The following VAT1L variants were observed in gnomAD, a reference collection of about 807,000 sequenced individuals.
VAT1L encodes the protein putative NADPH-dependent quinone oxidoreductase VAT1L.
Under a neutral mutation model 44.1 loss-of-function variants are expected in VAT1L, and 34 were observed. The observed-to-expected ratio is 0.77, with a 90% CI of 0.59 to 1.03. The LOEUF is 1.03. Ranked by LOEUF, VAT1L falls within the 50% of genes least tolerant of loss-of-function variation. The pLI, the probability that VAT1L is intolerant of heterozygous loss-of-function variation, is 0.00. For synonymous variants in VAT1L, 253 were observed against 202.2 expected, an observed-to-expected ratio of 1.25 and a Z score of -2.13; for missense variants, 615 against 538.8, an observed-to-expected ratio of 1.14 and a Z score of -1.40.
chr16:77,812,084 C>CT (rs11298811), intron 1 of VAT1L, among the ~76,000 whole-genome samples: 3,103 of 130,610 alleles, frequency 0.024, 114 homozygotes, highest in African/African-American at 0.08. Context: ...GTCCTTGAAT[C>CT]TTTTTTTTTT....
intron 7 of VAT1L, among the ~76,000 whole-genome samples, chr16:77,964,116 G>A (rs1185353016): frequency 6.6e-6 from 1 of 151,960 alleles, no homozygotes; most frequent in East Asian, 1.9e-4. Context: ...TCCACCTGGA[G>A]CCAAAGCATA....
intron 3 of VAT1L, among the ~76,000 whole-genome samples, chr16:77,860,623 G>A (rs148323338): frequency 2.0e-5 from 3 of 152,200 alleles, no homozygotes; most frequent in Non-Finnish European, 4.4e-5. Context: ...TGTCCATAAG[G>A]AGCTATAACT....
intron 5 of VAT1L, among the ~76,000 whole-genome samples, chr16:77,877,673 A>G (rs1290734111): frequency 6.6e-6 from 1 of 152,188 alleles, no homozygotes; most frequent in African/African-American, 2.4e-5. Flanking sequence ...ACAATAGAAA[A>G]CTGAGTTTTA....
rs1260986947 is a variant in VAT1L, at chr16:77,910,876, T to C, written c.1077+26074T>C. On this transcript the variant is annotated intron_variant, in intron 7 of 8. Transcript: ENST00000302536. ...CTATATGCCAGGCATTCTAAGAGCATTACGACAGTACATCTTTAAACAACC... is the reference window on the plus strand; with the variant it reads ...CTATATGCCAGGCATTCTAAGAGCACTACGACAGTACATCTTTAAACAACC... Among the ~76,000 whole-genome samples, 17 of 152,160 alleles carry C rather than the reference T, an allele frequency of 1.1e-4. 1 individual carries two copies. Among genetic ancestry groups the C allele is most frequent in the Admixed American group, 1.1e-3 (17 of 15,266 alleles).
intron 7 of VAT1L, among the ~76,000 whole-genome samples, chr16:77,971,070 G>A (rs183201639): frequency 2.0e-5 from 3 of 151,932 alleles, no homozygotes; most frequent in East Asian, 3.9e-4. Flanking sequence ...TTGAGATGTG[G>A]AGCATGGGCC....
Position 77,951,283 on chromosome 16 carries a change from C to T in VAT1L, c.1078-20567C>T, listed in dbSNP as rs548043545. Among the ~76,000 whole-genome samples the T allele has an allele frequency of 6.6e-5, 10 of 152,298 alleles. No individual in the cohort carries two copies. In the East Asian group the frequency reaches 1.2e-3, roughly 18 times the overall value. On this transcript the variant is annotated intron_variant, in intron 7 of 8. Transcript: ENST00000302536. ...CTCAAGGTCCGGGTGTAGTGGCTCA[C>T]GCCTGTAATCCCAGCACTTTGAGAG...
intron 6 of VAT1L, among the ~76,000 whole-genome samples, chr16:77,882,818 T>C (rs2017168925): frequency 6.6e-6 from 1 of 152,206 alleles, no homozygotes; most frequent in Non-Finnish European, 1.5e-5. Flanking sequence ...CACTGTCCCA[T>C]AGAATAGAAT....
intron 7 of VAT1L, among the ~76,000 whole-genome samples, chr16:77,966,787 A>G (rs2018227220): frequency 6.6e-6 from 1 of 152,160 alleles, no homozygotes; most frequent in Admixed American, 6.5e-5. Flanking sequence ...TGAATTTTAC[A>G]CTGACAGCAC....
intron 8 of VAT1L, 85 bp from the exon 9 acceptor site, chr16:77,977,512 G>C: frequency 2.2e-6 from 3 of 1,382,398 alleles, no homozygotes; most frequent in South Asian, 2.6e-5. Flanking sequence ...CCCCCAAGAA[G>C]TCCTCCCATA....
intron 1 of VAT1L, among the ~76,000 whole-genome samples, chr16:77,813,710 C>A (rs1272315900): frequency 6.6e-6 from 1 of 152,182 alleles, no homozygotes; most frequent in Non-Finnish European, 1.5e-5. Flanking sequence ...TTTTGACATC[C>A]TTTCTATTGC....
chr16:77,842,305 T>G (rs2016715387), intron 3 of VAT1L, among the ~76,000 whole-genome samples: 1 of 152,170 alleles, frequency 6.6e-6, no homozygotes, highest in Non-Finnish European at 1.5e-5. Flanking sequence ...GATCTATAGA[T>G]GGGTGCCCAC....
intron 1 of VAT1L, among the ~76,000 whole-genome samples, chr16:77,811,539 G>T (rs150190805): frequency 6.6e-6 from 1 of 152,068 alleles, no homozygotes; most frequent in African/African-American, 2.4e-5. Context: ...TATAAAAAGG[G>T]CTTATATTCC....
chr16:77,936,215 T>C (rs547653996), intron 7 of VAT1L, among the ~76,000 whole-genome samples: 1 of 152,322 alleles, frequency 6.6e-6, no homozygotes, highest in South Asian at 2.1e-4. Context: ...GTTATGTTAC[T>C]ATACTGAGAC....
chr16:77,938,112 C>A (rs1177035331), intron 7 of VAT1L, among the ~76,000 whole-genome samples: 1 of 152,144 alleles, frequency 6.6e-6, no homozygotes, highest in Non-Finnish European at 1.5e-5. Context: ...GGGACCAGTT[C>A]CTGAGCTCCA....
intron 7 of VAT1L, among the ~76,000 whole-genome samples, chr16:77,959,432 T>A (rs2142532968): frequency 6.6e-6 from 1 of 152,352 alleles, no homozygotes; most frequent in East Asian, 1.9e-4. Context: ...CTCCCAAAGA[T>A]GGATATTGTT....
chr16:77,817,498 C>G (rs866061508), intron 2 of VAT1L, among the ~76,000 whole-genome samples: 10 of 152,232 alleles, frequency 6.6e-5, no homozygotes, highest in Middle Eastern at 6.8e-3. Context: ...TTTAAGTAAT[C>G]ATTTATAAAT....
intron 7 of VAT1L, among the ~76,000 whole-genome samples, chr16:77,956,899 T>C (rs2018110016): frequency 6.6e-6 from 1 of 152,208 alleles, no homozygotes; most frequent in Admixed American, 6.6e-5. Context: ...CTAGCATTTG[T>C]GTAGACAACA....
intron 3 of VAT1L, among the ~76,000 whole-genome samples, chr16:77,842,120 C>A (rs969834987): frequency 2.0e-5 from 3 of 152,198 alleles, no homozygotes; most frequent in African/African-American, 7.2e-5. Context: ...ATCTCCTGAC[C>A]TGGTGATCTG....
chr16:77,922,530 G>GGCATGTGATGAAGAGAGAGGTCACAT (rs2017623016), intron 7 of VAT1L, among the ~76,000 whole-genome samples: 1 of 152,180 alleles, frequency 6.6e-6, no homozygotes, highest in Non-Finnish European at 1.5e-5. Context: ...GCTGTCAGCG[G>GGCATGTGATGAAGAGAGAGGTCACAT]CTTGTCACAG....
Sources: gnomAD v4.1 joint callset for allele counts (sites outside exome capture counted in the v4.1 genomes callset) on GRCh38, gnomAD v4.1.1 for gene constraint, MANE v1.5 for transcripts, NCBI Gene and HGNC (gene_info 2026-07-23, HGNC 2026-07-21) for gene names.